GRM2: variants seen among roughly 807,000 people sequenced by gnomAD.
GRM2 encodes the protein metabotropic glutamate receptor 2.
In GRM2, 35 loss-of-function variants were observed where a neutral mutation model predicts 60.4. That is an observed-to-expected ratio of 0.58 (90% CI 0.44 to 0.77). GRM2 has a LOEUF of 0.77. GRM2 is among the 30% of genes least tolerant of loss of function. The pLI is 0.00. For synonymous variants in GRM2, 437 were observed against 484.1 expected (o/e 0.90, Z 1.28); for missense variants, 925 against 1,199.5 (o/e 0.77, Z 3.38).
intron 1 of GRM2, chr3:51,708,335 C>T (rs781192544): frequency 2.6e-5 from 4 of 152,162 alleles, no homozygotes; most frequent in Non-Finnish European, 5.9e-5. Context: ...CACATGGGCT[C>T]CAGTCTCCCC....
intron 2 of GRM2, among the ~76,000 whole-genome samples, chr3:51,710,388 G>A (rs532329219): frequency 1.3e-5 from 2 of 152,366 alleles, no homozygotes; most frequent in East Asian, 3.9e-4. Flanking sequence ...TAAGGGCACC[G>A]TTGATATTAG....
chr3:51,712,674 G>A lies in GRM2; in HGVS notation c.652G>A (p.Glu218Lys), dbSNP rs143196180. The A allele has an allele frequency of 4.3e-6, 7 of 1,613,968 alleles. No homozygotes were observed. Among genetic ancestry groups the A allele is most frequent in the African/African-American group, 1.3e-5 (1 of 74,940 alleles). ...TGTGGCGTCTGAGGGCGACTATGGC[G>A]AGACAGGCATTGAGGCCTTTGAGCT... is the stretch of plus-strand genomic sequence containing the variant. ...STVASEGDYG[E>K]TGIEAFELEA... Residue 218 changes from glutamate to lysine, a missense_variant, in exon 3 of 6, where the codon GAG becomes AAG. Glu to Lys is a moderately conservative substitution (Grantham distance 56). Transcript: ENST00000395052. This position sits in a 1 kb window ranked among gnomAD's most constrained non-coding sequence, Gnocchi z 5.3.
intron 2 of GRM2, among the ~76,000 whole-genome samples, chr3:51,710,856 C>T (rs982706172): frequency 6.6e-6 from 1 of 152,244 alleles, no homozygotes; most frequent in African/African-American, 2.4e-5. Flanking sequence ...TGGGTCCTAC[C>T]TCTCACCCAG....
chr3:51,715,478 G>T lies in GRM2; in HGVS notation c.1705G>T (p.Val569Leu). ...EYIRWGDAWA[V>L]GPVTIACLGA... ...CATCCGCTGGGGCGATGCCTGGGCTGTGGGACCTGTCACCATCGCCTGCCT... is the reference window on the plus strand; with the variant it reads ...CATCCGCTGGGGCGATGCCTGGGCTTTGGGACCTGTCACCATCGCCTGCCT... Residue 569 changes from valine to leucine, a missense_variant, in exon 4 of 6, where the codon GTG becomes TTG. Coordinates refer to ENST00000395052, the MANE Select transcript of GRM2 (RefSeq NM_000839.5). This position sits in a 1 kb window ranked among gnomAD's most constrained non-coding sequence, Gnocchi z 9.0. The T allele has an allele frequency of 6.2e-7, 1 of 1,612,884 alleles. No homozygotes were observed. The highest frequency in any genetic ancestry group is 8.5e-7 in the Non-Finnish European group (1 of 1,179,970).
chr3:51,716,984 G>A lies in GRM2; in HGVS notation c.2365-653G>A, dbSNP rs1288418112. Among the ~76,000 whole-genome samples, 1 of 152,144 alleles carries A rather than the reference G, an allele frequency of 6.6e-6. No individual in the cohort carries two copies. Among genetic ancestry groups the A allele is most frequent in the African/African-American group, 2.4e-5 (1 of 41,446 alleles). ...TCTGCTTGCACCTGCTGGGCCACCT[G>A]CTTGGGTGGTAGAGGCCAGGGCTGG... On this transcript the variant is annotated intron_variant, in intron 4 of 5. Transcript: ENST00000395052. The surrounding 1 kb of genome is among the most constrained non-coding windows in gnomAD (Gnocchi z 4.0).
In GRM2 at chr3:51,712,781, G is replaced by T; in HGVS notation, c.759G>T (p.Val253=). 1 of 1,613,162 alleles carries T rather than the reference G, an allele frequency of 6.2e-7. No individual in the cohort carries two copies. Among genetic ancestry groups the T allele is most frequent in the South Asian group, 1.1e-5 (1 of 91,076 alleles). Residue 253 remains valine, a synonymous_variant, in exon 3 of 6, where the codon GTG becomes GTT. Transcript: ENST00000395052. The surrounding 1 kb of genome is among the most constrained non-coding windows in gnomAD (Gnocchi z 5.3). ...RAMSRAAFEG[V]VRALLQKPSA... ...TGAGCCGCGCGGCCTTTGAGGGTGT[G>T]GTGCGAGCCCTGCTGCAGAAGCCCA...
rs371740835 is a variant in GRM2, at chr3:51,717,735, G to A, written c.2463G>A (p.Pro821=). Reference sequence around the variant, plus strand: ...AGCTGCACATCATCCTCTTCCAGCCGCAGAAGAACGTGGTTAGCCACCGGG... The same window carrying A: ...AGCTGCACATCATCCTCTTCCAGCCACAGAAGAACGTGGTTAGCCACCGGG... ...APKLHIILFQ[P]QKNVVSHRAP... is the part of the protein sequence containing the mutation. The change falls in exon 5 of 6, where the codon CCG becomes CCA. Residue 821 remains proline, a synonymous_variant. Coordinates refer to ENST00000395052, the MANE Select transcript of GRM2 (RefSeq NM_000839.5). The surrounding 1 kb of genome is among the most constrained non-coding windows in gnomAD (Gnocchi z 6.0). 8 of 1,613,974 alleles carry A rather than the reference G, an allele frequency of 5.0e-6. No individual in the cohort carries two copies. Among genetic ancestry groups the A allele is most frequent in the East Asian group, 4.5e-5 (2 of 44,900 alleles).
chr3:51,710,330 T>G (rs549913779), intron 2 of GRM2, among the ~76,000 whole-genome samples: 2 of 152,356 alleles, frequency 1.3e-5, no homozygotes, highest in South Asian at 2.1e-4. Flanking sequence ...CCATGGAAAT[T>G]TAATGAGTTG....
chr3:51,709,909 T>G (rs2107093565), intron 2 of GRM2, among the ~76,000 whole-genome samples: 1 of 138,904 alleles, frequency 7.2e-6, no homozygotes, highest in East Asian at 2.2e-4. Flanking sequence ...GTCTCCCACT[T>G]ACTAACTGCA....
intron 1 of GRM2, chr3:51,707,657 A>T (rs2107080198): frequency 2.0e-5 from 3 of 153,052 alleles, no homozygotes; most frequent in Middle Eastern, 6.7e-3. Context: ...TTGCCTGGGT[A>T]AGCTGCTGCT....
At position 51,715,953 on chromosome 3, in the gene GRM2, G is replaced by A; in HGVS notation, c.2180G>A (p.Ser727Asn). 6 of 1,614,156 alleles carry A rather than the reference G, an allele frequency of 3.7e-6. No homozygotes were observed. Among genetic ancestry groups the A allele is most frequent in the Non-Finnish European group, 5.1e-6 (6 of 1,180,024 alleles). The change falls in exon 4 of 6, where the codon AGT (serine) becomes AAT (asparagine). Residue 727 changes from serine to asparagine, a missense_variant. Coordinates refer to ENST00000395052, the MANE Select transcript of GRM2 (RefSeq NM_000839.5). The surrounding 1 kb of genome is among the most constrained non-coding windows in gnomAD (Gnocchi z 9.0). ...CTGCGCTGCAACCACCGCGATGCAA[G>A]TATGTTGGGCTCGCTGGCCTACAAT... The part of the protein sequence containing the change: ...VTLRCNHRDA[S>N]MLGSLAYNVL...
At position 51,715,860 on chromosome 3, in the gene GRM2, C is replaced by T. The variant is rs772307294; in HGVS notation, c.2087C>T (p.Ala696Val). 3.1e-6 allele frequency: 5 copies of T among 1,613,336 alleles called. 1 individual carries two copies. The South Asian group carries it at 4.4e-5, about 14-fold the overall frequency. Residue 696 changes from alanine to valine, a missense_variant, in exon 4 of 6, where the codon GCC becomes GTC. Transcript: ENST00000395052. This position sits in a 1 kb window ranked among gnomAD's most constrained non-coding sequence, Gnocchi z 9.0. ...LISGQLLIVV[A>V]WLVVEAPGTG... Reference sequence around the variant, plus strand: ...TCGGGCCAGCTGCTCATCGTGGTCGCCTGGCTGGTGGTGGAGGCACCGGGC... The same window carrying T: ...TCGGGCCAGCTGCTCATCGTGGTCGTCTGGCTGGTGGTGGAGGCACCGGGC...
Position 51,709,369 on chromosome 3 carries a change from A to G in GRM2, c.386A>G (p.His129Arg), listed in dbSNP as rs145490430. The G allele has an allele frequency of 6.3e-6, 10 of 1,586,176 alleles. No individual in the cohort carries two copies. Among genetic ancestry groups the G allele is most frequent in the Non-Finnish European group, 8.6e-6 (10 of 1,158,262 alleles). ...HICPDGSYAT[H>R]GDAPTAITGV... is the part of the protein sequence containing the mutation. The stretch of plus-strand genomic sequence containing the variant: ...TGCCCCGACGGCTCTTATGCGACCC[A>G]TGGTGATGCTCCCACTGCCATCACT... Residue 129 changes from histidine (H) to arginine (R), a missense_variant, in exon 2 of 6, where the codon CAT (histidine) becomes CGT (arginine). Transcript: ENST00000395052.
In GRM2 at chr3:51,712,334, G is replaced by A; in HGVS notation, c.451-139G>A. On this transcript the variant is annotated intron_variant, in intron 2 of 5. Transcript: ENST00000395052. This position sits in a 1 kb window ranked among gnomAD's most constrained non-coding sequence, Gnocchi z 5.3. The stretch of plus-strand genomic sequence containing the variant: ...CCCAGAGGGAAGACTGTCAAGTCAG[G>A]ATGCAGGGCTTTAGAGAGGGAGCCT... 1.5e-6 allele frequency: 1 copy of A among 677,176 alleles called. No individual in the cohort carries two copies. Among genetic ancestry groups the A allele is most frequent in the Non-Finnish European group, 2.6e-6 (1 of 380,102 alleles). 41.9% of individuals were successfully genotyped at this position (677,176 alleles called of 1,614,324 possible). A position where few individuals can be genotyped will look rare whatever the true frequency, so the allele number is the denominator to read the frequency against.
Position 51,712,404 on chromosome 3 carries a change from G to A in GRM2, c.451-69G>A. 9.9e-7 allele frequency: 1 copy of A among 1,013,200 alleles called. No homozygotes were observed. Among genetic ancestry groups the A allele is most frequent in the East Asian group, 2.4e-5 (1 of 41,928 alleles). 62.8% of individuals were successfully genotyped at this position (1,013,200 alleles called of 1,614,324 possible). ...CACTTGACACCAAGACCTGCTAGCT[G>A]TGGGGGATGCACCTGTCTCTAGTGT... On this transcript the variant is annotated intron_variant, in intron 2 of 5. Coordinates refer to ENST00000395052, the MANE Select transcript of GRM2 (RefSeq NM_000839.5). The surrounding 1 kb of genome is among the most constrained non-coding windows in gnomAD (Gnocchi z 5.3).
chr3:51,708,862 C>G lies in GRM2; in HGVS notation c.-122C>G. 1.4e-6 allele frequency: 1 copy of G among 713,128 alleles called. No individual in the cohort carries two copies. Among genetic ancestry groups the G allele is most frequent in the Non-Finnish European group, 2.2e-6 (1 of 448,722 alleles). The allele number at this position is 713,128 out of a possible 1,614,324, so 44.2% of individuals were successfully genotyped here. ...TCTCTCTGCAGGAGCTGGGTCCCTTCGCATCTCTCTTCTTGTCTGTCCTTT... is the reference window on the plus strand; with the variant it reads ...TCTCTCTGCAGGAGCTGGGTCCCTTGGCATCTCTCTTCTTGTCTGTCCTTT... On this transcript the variant is annotated 5_prime_UTR_variant, in exon 2 of 6. Transcript: ENST00000395052.
At chr3:51,711,724 A>C (rs1190781543) in intron 2 of GRM2, 1 of 152,324 alleles carries the variant, frequency 6.6e-6, no homozygotes, top group Admixed American at 6.5e-5. Context: ...CCAAAGGTAA[A>C]ATGTGTGGGA....
At chr3:51,709,744 C>A (rs1243667252) in intron 2 of GRM2, among the ~76,000 whole-genome samples, 2 of 43,156 alleles carry the variant, frequency 4.6e-5, no homozygotes, top group Non-Finnish European at 4.4e-5. Flanking sequence ...CCCGACACAC[C>A]CACACACACC....
intron 2 of GRM2, among the ~76,000 whole-genome samples, chr3:51,709,815 C>CCA (rs1188841679): frequency 4.4e-5 from 6 of 137,084 alleles, no homozygotes; most frequent in African/African-American, 1.4e-4. Flanking sequence ...ACCCCCACAC[C>CCA]CACACACACA....
Sources: gnomAD v4.1 joint callset for allele counts (sites outside exome capture counted in the v4.1 genomes callset) on GRCh38, gnomAD v4.1.1 for gene constraint, Gnocchi (gnomAD v3.1) non-coding constraint, MANE v1.5 for transcripts, NCBI Gene and HGNC (gene_info 2026-07-23, HGNC 2026-07-21) for gene names.